The following HOATZ variants were observed in gnomAD, a reference collection of about 807,000 sequenced individuals.
HOATZ encodes cilia- and flagella-associated protein HOATZ.
In HOATZ, 26 loss-of-function variants were observed where a neutral mutation model predicts 24.9. That is an observed-to-expected ratio of 1.04 (90% CI 0.76 to 1.45). The LOEUF (loss-of-function observed/expected upper bound fraction) is 1.45, where lower values mean the gene tolerates loss of function less well. HOATZ is among the 40% of genes most tolerant of loss of function. The probability of loss-of-function intolerance (pLI) is 0.00; values close to 1 mark genes in which losing one functional copy is unlikely to be tolerated. For missense variants in HOATZ, 226 were observed against 201.5 expected (o/e 1.12, Z -0.74); for synonymous variants, 83 against 76.6 (o/e 1.08, Z -0.43).
chr11:111,529,100 C>T (rs7129255), intron 3 of HOATZ, among the ~76,000 whole-genome samples: 9,173 of 152,238 alleles, frequency 0.06, 477 homozygotes, highest in African/African-American at 0.13. Context: ...TGATATCTAG[C>T]AGTTACTCAG....
intron 3 of HOATZ, among the ~76,000 whole-genome samples, chr11:111,522,458 C>A (rs956470902): frequency 6.6e-6 from 1 of 152,172 alleles, no homozygotes; most frequent in Admixed American, 6.5e-5. Flanking sequence ...CATTATCCAC[C>A]TTTGTACTTT....
intron 3 of HOATZ, among the ~76,000 whole-genome samples, chr11:111,530,294 G>A (rs866334786): frequency 2.7e-4 from 41 of 152,272 alleles, no homozygotes; most frequent in Middle Eastern, 6.8e-3. Flanking sequence ...GGAACCAGGC[G>A]GGAGAGTTAA....
At chr11:111,522,875 C>T (rs1432739194) in intron 3 of HOATZ, among the ~76,000 whole-genome samples, 2 of 152,048 alleles carry the variant, frequency 1.3e-5, no homozygotes, top group East Asian at 1.9e-4. Context: ...CACCTAAGGT[C>T]GGGAATTCAA....
At chr11:111,530,535 AT>A (rs979420331) in intron 3 of HOATZ, among the ~76,000 whole-genome samples, 1 of 152,146 alleles carries the variant, frequency 6.6e-6, no homozygotes, top group African/African-American at 2.4e-5. Flanking sequence ...TTCACAATTT[AT>A]TTTTTCAGGA....
At chr11:111,520,599 A>G (rs911647332) in intron 3 of HOATZ, among the ~76,000 whole-genome samples, 1 of 152,226 alleles carries the variant, frequency 6.6e-6, no homozygotes, top group African/African-American at 2.4e-5. Context: ...CAATGAGAAC[A>G]TTACAGTAGT....
chr11:111,520,473 A>G (rs1370822721), intron 3 of HOATZ, among the ~76,000 whole-genome samples: 1 of 152,180 alleles, frequency 6.6e-6, no homozygotes. Flanking sequence ...TTATTTGGGT[A>G]TGGGTTTTTA....
At chr11:111,533,211 G>A (rs953845473) in intron 3 of HOATZ, among the ~76,000 whole-genome samples, 2 of 152,182 alleles carry the variant, frequency 1.3e-5, no homozygotes, top group Non-Finnish European at 2.9e-5. Context: ...TAGTGTGATG[G>A]TCAATAGCTT....
At chr11:111,533,339 G>A (rs1867413773) in intron 3 of HOATZ, among the ~76,000 whole-genome samples, 1 of 152,150 alleles carries the variant, frequency 6.6e-6, no homozygotes, top group African/African-American at 2.4e-5. Context: ...AGTAATAGTA[G>A]TGTCAAACTT....
intron 3 of HOATZ, among the ~76,000 whole-genome samples, chr11:111,528,927 T>C (rs1867367278): frequency 6.6e-6 from 1 of 152,182 alleles, no homozygotes; most frequent in African/African-American, 2.4e-5. Context: ...AGTTTAAATC[T>C]TTGGCTCTGC....
At chr11:111,515,099 A>G (rs1867166717) in intron 1 of HOATZ, 89 bp downstream of exon 1, 2 of 845,476 alleles carry the variant, frequency 2.4e-6, no homozygotes, top group South Asian at 3.0e-5. Context: ...AGAAACTGCA[A>G]TGGTATATAC....
chr11:111,536,478 T>C (rs1191146392), intron 5 of HOATZ: 1 of 251,420 alleles, frequency 4.0e-6, no homozygotes, highest in Non-Finnish European at 7.7e-6. Context: ...ATAAATAAAA[T>C]AATGGGTAAA....
intron 3 of HOATZ, among the ~76,000 whole-genome samples, chr11:111,524,591 A>G (rs1280257519): frequency 6.6e-6 from 1 of 152,214 alleles, no homozygotes; most frequent in Non-Finnish European, 1.5e-5. Flanking sequence ...GGCCAAAAAA[A>G]GAAGGAAAGA....
In HOATZ at chr11:111,536,316, C is replaced by G. The variant is rs1867450135; in HGVS notation, c.453-454C>G. ...AACTCCCCTACATACACAGACTCCCCCTTACCATTCCTCCTTCAACAGGTC... is the reference window on the plus strand; with the variant it reads ...AACTCCCCTACATACACAGACTCCCGCTTACCATTCCTCCTTCAACAGGTC... On this transcript the variant is annotated intron_variant, in intron 5 of 5. Coordinates refer to ENST00000375618, the MANE Select transcript of HOATZ (RefSeq NM_001100388.2). The G allele has an allele frequency of 1.9e-5, 3 of 156,496 alleles. No individual in the cohort carries two copies. In the South Asian group the frequency reaches 5.8e-4, roughly 30 times the overall value. The allele number at this position is 156,496 out of a possible 1,614,324, so 9.7% of individuals were successfully genotyped here.
intron 2 of HOATZ, 98 bp from the exon 3 acceptor site, chr11:111,515,942 T>A (rs1209959769): frequency 2.6e-6 from 2 of 779,966 alleles, no homozygotes; most frequent in East Asian, 5.5e-5. Flanking sequence ...CTTCCTACTC[T>A]ATGTATTCCC....
chr11:111,529,437 C>T (rs1428264595), intron 3 of HOATZ, among the ~76,000 whole-genome samples: 1 of 152,092 alleles, frequency 6.6e-6, no homozygotes, highest in Non-Finnish European at 1.5e-5. Flanking sequence ...AATCTCGGCT[C>T]ACTGCAACCT....
At chr11:111,523,445 A>T (rs1180527010) in intron 3 of HOATZ, among the ~76,000 whole-genome samples, 1 of 152,166 alleles carries the variant, frequency 6.6e-6, no homozygotes, top group Non-Finnish European at 1.5e-5. Context: ...GTATTGTTCT[A>T]TTGATGAAGC....
At chr11:111,522,215 T>C (rs146112689) in intron 3 of HOATZ, among the ~76,000 whole-genome samples, 163 of 152,362 alleles carry the variant, frequency 1.1e-3, no homozygotes, top group African/African-American at 3.5e-3. Context: ...TAAAACATAA[T>C]TAAATGAAAC....
intron 3 of HOATZ, among the ~76,000 whole-genome samples, chr11:111,526,342 T>C (rs1261702889): frequency 6.6e-6 from 1 of 151,976 alleles, no homozygotes; most frequent in East Asian, 1.9e-4. Context: ...AGAGCAGAAG[T>C]GGAAAAACCA....
intron 3 of HOATZ, 112 bp from the exon 4 acceptor site, chr11:111,533,634 A>C: frequency 1.4e-6 from 1 of 703,810 alleles, no homozygotes; most frequent in Non-Finnish European, 2.3e-6. Context: ...TCTTAGGAAA[A>C]AATATTTTAA....
Sources: allele counts gnomAD v4.1 joint callset (sites outside exome capture counted in the v4.1 genomes callset), GRCh38; gene constraint gnomAD v4.1.1; transcripts MANE v1.5; gene names NCBI Gene and HGNC (gene_info 2026-07-23, HGNC 2026-07-21).